The following EXOC6 variants were observed in gnomAD, a reference collection of about 807,000 sequenced individuals.
EXOC6 encodes the protein exocyst complex component 6.
Under a neutral mutation model 112.5 loss-of-function variants are expected in EXOC6, and 60 were observed. The ratio of observed to expected loss-of-function variants is 0.53; its 90% CI spans 0.43 to 0.66. The LOEUF (loss-of-function observed/expected upper bound fraction) is 0.66. Ranked by LOEUF, EXOC6 falls within the 30% of genes least tolerant of loss-of-function variation. The pLI is 0.00. For missense variants in EXOC6, 855 were observed against 957.1 expected (o/e 0.89, Z 1.41); for synonymous variants, 295 against 308.0 (o/e 0.96, Z 0.44).
intron 18 of EXOC6, among the ~76,000 whole-genome samples, chr10:92,994,852 A>G (rs1388079164): frequency 6.6e-6 from 1 of 151,868 alleles, no homozygotes; most frequent in Non-Finnish European, 1.5e-5. Flanking sequence ...TTTCAAATAT[A>G]TTTTCGGGTG....
At chr10:92,888,445 A>C (rs886404860) in intron 1 of EXOC6, among the ~76,000 whole-genome samples, 14 of 152,212 alleles carry the variant, frequency 9.2e-5, no homozygotes, top group Middle Eastern at 6.8e-3. Context: ...GGAAAGAACT[A>C]TTGTTCTCTT....
At chr10:93,002,580 G>A (rs187410719) in intron 19 of EXOC6, among the ~76,000 whole-genome samples, 4 of 152,244 alleles carry the variant, frequency 2.6e-5, no homozygotes, top group African/African-American at 4.8e-5. Context: ...TTTGAGAACC[G>A]CTGTATTACA....
At position 92,940,801 on chromosome 10, in the gene EXOC6, T is replaced by G. The variant is rs1005495728; in HGVS notation, c.1287T>G (p.Leu429=). 6.2e-7 allele frequency: 1 copy of G among 1,611,134 alleles called. No individual in the cohort carries two copies. The highest frequency in any genetic ancestry group is 8.5e-7 in the Non-Finnish European group (1 of 1,178,704). Residue 429 remains leucine, a synonymous_variant, in exon 13 of 22, where the codon CTT becomes CTG. Coordinates refer to ENST00000260762, the MANE Select transcript of EXOC6 (RefSeq NM_019053.6). ...EIRDQYNETL[L]KKWAGVFRDI... is the part of the protein sequence containing the mutation. ...GAGACCAATACAATGAAACACTGCTTAAGAAATGGGCTGGAGTTTTCAGGT... is the reference window on the plus strand; with the variant it reads ...GAGACCAATACAATGAAACACTGCTGAAGAAATGGGCTGGAGTTTTCAGGT...
chr10:92,869,476 T>C (rs994502583), intron 1 of EXOC6, among the ~76,000 whole-genome samples: 3 of 152,100 alleles, frequency 2.0e-5, no homozygotes, highest in Non-Finnish European at 4.4e-5. Context: ...AACTGACTAA[T>C]TTTTATTTTT....
At chr10:92,848,677 G>C (rs1244108619) in intron 1 of EXOC6, 43 bp downstream of exon 1, 5 of 1,292,440 alleles carry the variant, frequency 3.9e-6, no homozygotes, top group African/African-American at 1.6e-5. Flanking sequence ...CCCGCCCCAC[G>C]CCGGCCGCTC....
intron 13 of EXOC6, among the ~76,000 whole-genome samples, chr10:92,945,525 G>A (rs1452712225): frequency 6.6e-6 from 1 of 152,062 alleles, no homozygotes; most frequent in African/African-American, 2.4e-5. Context: ...ACTTATACAC[G>A]TTTATAGAAT....
intron 20 of EXOC6, among the ~76,000 whole-genome samples, chr10:93,036,987 G>A (rs1187186665): frequency 1.3e-5 from 2 of 151,972 alleles, no homozygotes; most frequent in Non-Finnish European, 2.9e-5. Flanking sequence ...AGAACAGTTT[G>A]TCAACTATGG....
intron 11 of EXOC6, 106 bp from the exon 12 acceptor site, chr10:92,935,708 C>G: frequency 1.2e-6 from 1 of 816,052 alleles, no homozygotes; most frequent in Non-Finnish European, 2.0e-6. Flanking sequence ...ATAAGTCTGG[C>G]AGATTAAAAG....
chr10:92,955,641 T>C lies in EXOC6; in HGVS notation c.1700T>C (p.Phe567Ser). 1 of 1,611,622 alleles carries C rather than the reference T, an allele frequency of 6.2e-7. No individual in the cohort carries two copies. The highest frequency in any genetic ancestry group is 8.5e-7 in the Non-Finnish European group (1 of 1,178,262). Residue 567 changes from phenylalanine to serine, a missense_variant, in exon 17 of 22, where the codon TTT becomes TCT. This residue lies in a region of EXOC6 where 450 missense variants were observed against 563.5 expected (regional missense o/e 0.80). Coordinates refer to ENST00000260762, the MANE Select transcript of EXOC6 (RefSeq NM_019053.6). ...CAAGCTTGTAAATATCTTGAGGACTTTATAACTAACATTACAAATATTTCC... is the reference window on the plus strand; with the variant it reads ...CAAGCTTGTAAATATCTTGAGGACTCTATAACTAACATTACAAATATTTCC... The part of the protein sequence containing the change: ...LEQACKYLED[F>S]ITNITNISQE...
chr10:92,928,856 A>G (rs1040915672), intron 9 of EXOC6, among the ~76,000 whole-genome samples: 1 of 152,222 alleles, frequency 6.6e-6, no homozygotes, highest in Non-Finnish European at 1.5e-5. Context: ...TGATAGTTAC[A>G]TTAGTAGATG....
At chr10:93,026,764 C>CTG (rs1845043996) in intron 20 of EXOC6, among the ~76,000 whole-genome samples, 1 of 152,080 alleles carries the variant, frequency 6.6e-6, no homozygotes. Flanking sequence ...ATCAATAAAC[C>CTG]TGTGTGTTCT....
chr10:92,919,448 A>G (rs1011445596), intron 7 of EXOC6, among the ~76,000 whole-genome samples: 8 of 152,088 alleles, frequency 5.3e-5, no homozygotes, highest in African/African-American at 1.9e-4. Context: ...TTTTTTCCAC[A>G]TAACATTTCA....
chr10:92,975,627 C>T (rs1216476054), intron 18 of EXOC6, among the ~76,000 whole-genome samples: 11 of 142,876 alleles, frequency 7.7e-5, no homozygotes, highest in Admixed American at 7.4e-4. Context: ...GGGGGTCAGC[C>T]CCCTGCCCGG....
At chr10:92,975,408 G>C (rs1171534430) in intron 18 of EXOC6, among the ~76,000 whole-genome samples, 7 of 149,306 alleles carry the variant, frequency 4.7e-5, no homozygotes, top group Non-Finnish European at 8.9e-5. Context: ...CCCTCCGCCC[G>C]GCAGCCACCC....
intron 18 of EXOC6, among the ~76,000 whole-genome samples, chr10:92,992,694 A>G (rs529991416): frequency 6.6e-6 from 1 of 152,134 alleles, no homozygotes; most frequent in South Asian, 2.1e-4. Flanking sequence ...TAATATTTCA[A>G]TTAACTATTT....
At chr10:92,947,999 C>T (rs1333574485) in intron 13 of EXOC6, among the ~76,000 whole-genome samples, 5 of 151,992 alleles carry the variant, frequency 3.3e-5, no homozygotes, top group African/African-American at 1.2e-4. Context: ...GAATATATCA[C>T]CTTGAGAATT....
rs146358657 is a variant in EXOC6, at chr10:92,935,271, A to G, written c.1141-543A>G. 6.3e-3 allele frequency among the ~76,000 whole-genome samples: 953 copies of G among 152,090 alleles called. 3 individuals carry two copies. The highest frequency in any genetic ancestry group is 0.011 in the Middle Eastern group (3 of 270). On this transcript the variant is annotated intron_variant, in intron 11 of 21. Coordinates refer to ENST00000260762, the MANE Select transcript of EXOC6 (RefSeq NM_019053.6). ...GTCGATATTCAGATCAGCTCTGAAT[A>G]TATAAAATTAAAGTATATTTCCTGT...
At chr10:92,842,573 G>T (rs977329781) in intron 1 of EXOC6, among the ~76,000 whole-genome samples, 18 of 151,764 alleles carry the variant, frequency 1.2e-4, no homozygotes, top group African/African-American at 4.4e-4. Context: ...GTAAAGGAAG[G>T]CTAAGCAGGG....
At chr10:92,975,598 C>G (rs1480828513) in intron 18 of EXOC6, among the ~76,000 whole-genome samples, 2 of 147,298 alleles carry the variant, frequency 1.4e-5, no homozygotes, top group African/African-American at 2.5e-5. Context: ...GCCAGCCGCC[C>G]CGTCCGGGAG....
Sources: gnomAD v4.1 joint callset for allele counts (sites outside exome capture counted in the v4.1 genomes callset) on GRCh38, gnomAD v4.1.1 for gene constraint, gnomAD v4.1.1 regional missense constraint, MANE v1.5 for transcripts, NCBI Gene and HGNC (gene_info 2026-07-23, HGNC 2026-07-21) for gene names.